NEGR1: variants seen among roughly 807,000 people sequenced by gnomAD.
NEGR1 encodes IgLON family member 4.
Under a neutral mutation model 40.9 loss-of-function variants are expected in NEGR1, and 10 were observed. That is an observed-to-expected ratio of 0.24 (90% CI 0.15 to 0.42). The LOEUF (loss-of-function observed/expected upper bound fraction) is 0.42. Among genes scored for constraint, NEGR1 ranks in the 10% least tolerant of loss-of-function variants. The pLI is 1.00. For synonymous variants in NEGR1, 185 were observed against 166.8 expected (o/e 1.11, Z -0.84); for missense variants, 352 against 438.9 (o/e 0.80, Z 1.77).
chr1:71,860,827 C>T (rs1298862636), intron 2 of NEGR1, among the ~76,000 whole-genome samples: 3 of 151,958 alleles, frequency 2.0e-5, no homozygotes, highest in Non-Finnish European at 2.9e-5. Context: ...TTTCCCAAGT[C>T]ATAAAGCATT....
chr1:72,048,453 G>A (rs1647023464), intron 1 of NEGR1, among the ~76,000 whole-genome samples: 1 of 125,914 alleles, frequency 7.9e-6, no homozygotes, highest in Non-Finnish European at 1.7e-5. Flanking sequence ...AGGTTTGCAA[G>A]TGGTTTATAA....
chr1:71,937,848 G>C (rs1271279390), intron 1 of NEGR1, among the ~76,000 whole-genome samples: 1 of 151,914 alleles, frequency 6.6e-6, no homozygotes, highest in Non-Finnish European at 1.5e-5. Context: ...TGCTCTATTG[G>C]GCATTTCCAT....
chr1:72,152,909 C>T (rs183879647), intron 1 of NEGR1, among the ~76,000 whole-genome samples: 1 of 151,976 alleles, frequency 6.6e-6, no homozygotes, highest in East Asian at 1.9e-4. Flanking sequence ...TGTGTTCTTA[C>T]TTGTAAGTGT....
chr1:71,493,144 T>C (rs1646940415), intron 6 of NEGR1, among the ~76,000 whole-genome samples: 1 of 152,138 alleles, frequency 6.6e-6, no homozygotes, highest in African/African-American at 2.4e-5. Context: ...ATCGCCCTAC[T>C]CCAAAATTGG....
rs147921547 is a variant in NEGR1, at chr1:71,868,730, C to T, written c.409+66349G>A. On this transcript the variant is annotated intron_variant, in intron 2 of 6. Transcript: ENST00000357731. ...TATATCCTATTTCTGAAACACACTT[C>T]TACTCCTTCCTCTCACTTATGTCTG... Among the ~76,000 whole-genome samples, 416 of 151,954 alleles carry T rather than the reference C, an allele frequency of 2.7e-3. 2 individuals carry two copies. Among genetic ancestry groups the T allele is most frequent in the African/African-American group, 9.3e-3 (387 of 41,428 alleles).
chr1:72,179,854 A>C (rs1489737729), intron 1 of NEGR1, among the ~76,000 whole-genome samples: 1 of 152,094 alleles, frequency 6.6e-6, no homozygotes, highest in Non-Finnish European at 1.5e-5. Context: ...CACACTGAAA[A>C]CTATAAAACA....
At chr1:71,617,294 T>C (rs1006337588) in intron 4 of NEGR1, among the ~76,000 whole-genome samples, 14 of 152,208 alleles carry the variant, frequency 9.2e-5, no homozygotes, top group African/African-American at 3.4e-4. Flanking sequence ...GCTAGCACCA[T>C]AACTAGATGA....
chr1:72,112,640 CT>C (rs1377115831), intron 1 of NEGR1, among the ~76,000 whole-genome samples: 6 of 151,190 alleles, frequency 4.0e-5, no homozygotes, highest in Admixed American at 1.3e-4. Context: ...AAAGGAAATA[CT>C]TTTTGCAGAC....
At position 71,623,679 on chromosome 1, in the gene NEGR1, G is replaced by T. The variant is rs1402586600; in HGVS notation, c.668-12533C>A. ...AAGAATGAGAAGACAAAGTAGGAGA[G>T]ACATTTTACCTATAAATAGTGTAGC... On this transcript the variant is annotated intron_variant, in intron 4 of 6. Coordinates refer to ENST00000357731, the MANE Select transcript of NEGR1 (RefSeq NM_173808.3). Among the ~76,000 whole-genome samples, 11 of 151,924 alleles carry T rather than the reference G, an allele frequency of 7.2e-5. No individual in the cohort carries two copies. The Admixed American group carries it at 7.2e-4, about 10-fold the overall frequency.
At chr1:72,002,920 T>C (rs1285626833) in intron 1 of NEGR1, among the ~76,000 whole-genome samples, 1 of 152,184 alleles carries the variant, frequency 6.6e-6, no homozygotes, top group African/African-American at 2.4e-5. Context: ...TGGGTTACAA[T>C]TTAGATAGCA....
At chr1:71,831,911 A>C (rs147711507) in intron 2 of NEGR1, among the ~76,000 whole-genome samples, 4 of 151,932 alleles carry the variant, frequency 2.6e-5, no homozygotes, top group African/African-American at 9.6e-5. Flanking sequence ...GGAAGTAGGG[A>C]GTACTGACTA....
intron 3 of NEGR1, among the ~76,000 whole-genome samples, chr1:71,750,874 A>C (rs1289350194): frequency 6.6e-6 from 1 of 152,210 alleles, no homozygotes; most frequent in African/African-American, 2.4e-5. Flanking sequence ...GTGGACATGT[A>C]TATAAATTGA....
chr1:71,754,495 T>C (rs1655667949), intron 3 of NEGR1, among the ~76,000 whole-genome samples: 1 of 152,190 alleles, frequency 6.6e-6, no homozygotes, highest in African/African-American at 2.4e-5. Flanking sequence ...TATGTATCAA[T>C]TACTGTTGAA....
intron 3 of NEGR1, among the ~76,000 whole-genome samples, chr1:71,721,741 C>A (rs1360587977): frequency 6.6e-6 from 1 of 152,146 alleles, no homozygotes; most frequent in African/African-American, 2.4e-5. Flanking sequence ...ACATTGCCCC[C>A]GATGGAGAAA....
At chr1:71,828,944 C>G (rs1218359031) in intron 2 of NEGR1, among the ~76,000 whole-genome samples, 1 of 151,922 alleles carries the variant, frequency 6.6e-6, no homozygotes. Context: ...TATTTCAGGG[C>G]AGGTTCATTT....
rs528220824 is a variant in NEGR1, at chr1:71,710,841, CCA to C, written c.536-12704_536-12703del. Among the ~76,000 whole-genome samples the C allele has an allele frequency of 1.3e-4, 19 of 151,898 alleles. No individual in the cohort carries two copies. In the East Asian group the frequency reaches 2.5e-3, roughly 20 times the overall value. On this transcript the variant is annotated intron_variant, in intron 3 of 6. Transcript: ENST00000357731. Reference sequence around the variant, plus strand: ...TGATAGCACAATAGGGCAACTATAGCCAATAATAACTTAATTGTATATTTTAA... The same window carrying C: ...TGATAGCACAATAGGGCAACTATAGCATAATAACTTAATTGTATATTTTAA...
chr1:71,915,924 T>C (rs1268556706), intron 2 of NEGR1, among the ~76,000 whole-genome samples: 1 of 152,186 alleles, frequency 6.6e-6, no homozygotes, highest in African/African-American at 2.4e-5. Context: ...GCCAAAAGGA[T>C]GTTCAGAGAT....
At chr1:71,618,281 G>A (rs1650507078) in intron 4 of NEGR1, among the ~76,000 whole-genome samples, 1 of 152,148 alleles carries the variant, frequency 6.6e-6, no homozygotes, top group Non-Finnish European at 1.5e-5. Context: ...AATAAGCCAG[G>A]TGTATTGACT....
rs150956891 is a variant in NEGR1, at chr1:71,576,255, G to T, written c.940+16562C>A. ...GGTGTATAAATGGCTGCTGTTTTGG[G>T]TTTTTTTTGTTGTTGTTGTTCTCCT... On this transcript the variant is annotated intron_variant, in intron 6 of 6. Coordinates refer to ENST00000357731, the MANE Select transcript of NEGR1 (RefSeq NM_173808.3). Among the ~76,000 whole-genome samples the T allele has an allele frequency of 3.1e-3, 465 of 152,012 alleles. 3 individuals are homozygous for T. Among genetic ancestry groups the T allele is most frequent in the African/African-American group, 0.011 (440 of 41,462 alleles).
Sources: gnomAD v4.1 joint callset for allele counts (sites outside exome capture counted in the v4.1 genomes callset) on GRCh38, gnomAD v4.1.1 for gene constraint, MANE v1.5 for transcripts, NCBI Gene and HGNC (gene_info 2026-07-23, HGNC 2026-07-21) for gene names.